Variants in ROBO1 observed in about 807,000 individuals in gnomAD.
The protein encoded by ROBO1 is roundabout guidance receptor 1.
Under a neutral mutation model 195.9 loss-of-function variants are expected in ROBO1, and 149 were observed. That is an observed-to-expected ratio of 0.76 (90% CI 0.67 to 0.87). The LOEUF is 0.87. ROBO1 is among the 40% of genes least tolerant of loss of function. ROBO1 has a pLI of 0.00. For missense variants in ROBO1, 1,933 were observed against 2,068.3 expected, an observed-to-expected ratio of 0.93 and a Z score of 1.27; for synonymous variants, 816 against 733.2, an observed-to-expected ratio of 1.11 and a Z score of -1.82.
chr3:79,271,110 A>C (rs2030513005), intron 2 of ROBO1, among the ~76,000 whole-genome samples: 1 of 152,002 alleles, frequency 6.6e-6, no homozygotes, highest in Non-Finnish European at 1.5e-5. Flanking sequence ...GAGGTAGAAA[A>C]GTAAGCTGTA....
chr3:79,563,169 AT>A (rs1234282848), intron 2 of ROBO1, among the ~76,000 whole-genome samples: 2 of 152,006 alleles, frequency 1.3e-5, no homozygotes, highest in East Asian at 1.9e-4. Context: ...TTGTGGCACT[AT>A]TTGTTTTGTC....
At chr3:78,734,471 T>C (rs1412700877) in intron 5 of ROBO1, among the ~76,000 whole-genome samples, 1 of 151,630 alleles carries the variant, frequency 6.6e-6, no homozygotes, top group East Asian at 1.9e-4. Flanking sequence ...TGAAGTGGGA[T>C]GATCACCTGA....
At chr3:78,941,491 T>G (rs2040140402) in intron 3 of ROBO1, among the ~76,000 whole-genome samples, 1 of 152,176 alleles carries the variant, frequency 6.6e-6, no homozygotes, top group South Asian at 2.1e-4. Context: ...AGATATTTAT[T>G]TAATTAAAGC....
intron 3 of ROBO1, among the ~76,000 whole-genome samples, chr3:78,952,623 C>T (rs2040848085): frequency 6.6e-6 from 1 of 151,914 alleles, no homozygotes; most frequent in South Asian, 2.1e-4. Context: ...TAAATATCCT[C>T]TATTAAGTTA....
At chr3:79,607,230 G>A (rs1455369355) in intron 1 of ROBO1, among the ~76,000 whole-genome samples, 1 of 150,724 alleles carries the variant, frequency 6.6e-6, no homozygotes, top group East Asian at 2.0e-4. Context: ...TATTGTTAAG[G>A]TTAATATATT....
chr3:79,039,137 T>C (rs1430685830), intron 3 of ROBO1, among the ~76,000 whole-genome samples: 1 of 152,232 alleles, frequency 6.6e-6, no homozygotes, highest in Non-Finnish European at 1.5e-5. Context: ...ATGTTCTATA[T>C]CTTTCGGTAA....
intron 2 of ROBO1, among the ~76,000 whole-genome samples, chr3:79,368,423 A>G (rs1454274158): frequency 6.6e-6 from 1 of 152,126 alleles, no homozygotes; most frequent in East Asian, 1.9e-4. Context: ...GCATTAAAAG[A>G]GAGTAGACTG....
intron 2 of ROBO1, among the ~76,000 whole-genome samples, chr3:79,467,453 G>C (rs1938024018): frequency 6.6e-6 from 1 of 151,166 alleles, no homozygotes; most frequent in Non-Finnish European, 1.5e-5. Context: ...CCAAACACCA[G>C]GCTCCACGAG....
chr3:79,684,688 T>C (rs965224132), intron 1 of ROBO1, among the ~76,000 whole-genome samples: 6 of 152,056 alleles, frequency 3.9e-5, no homozygotes, highest in African/African-American at 1.2e-4. Flanking sequence ...ATGGTGATGA[T>C]GATTTGAGAT....
intron 1 of ROBO1, among the ~76,000 whole-genome samples, chr3:79,714,618 G>A (rs1411814253): frequency 6.6e-6 from 1 of 151,692 alleles, no homozygotes; most frequent in African/African-American, 2.4e-5. Context: ...AACAATGATA[G>A]ACTGGATTAA....
intron 21 of ROBO1, among the ~76,000 whole-genome samples, chr3:78,644,254 T>C (rs948617706): frequency 6.6e-6 from 1 of 152,108 alleles, no homozygotes; most frequent in Non-Finnish European, 1.5e-5. Context: ...ACTGCTGATA[T>C]TGTACAGCTG....
intron 1 of ROBO1, among the ~76,000 whole-genome samples, chr3:79,714,856 G>T (rs576034589): frequency 7.9e-6 from 1 of 127,340 alleles, no homozygotes; most frequent in Non-Finnish European, 1.6e-5. Flanking sequence ...TGTGGGGTGG[G>T]GGGAGGGGGG....
intron 2 of ROBO1, among the ~76,000 whole-genome samples, chr3:79,192,794 C>T (rs546760780): frequency 6.6e-6 from 1 of 151,528 alleles, no homozygotes; most frequent in African/African-American, 2.4e-5. Context: ...TAGAGAGCTA[C>T]CTGAGTGTTT....
At position 79,535,072 on chromosome 3, in the gene ROBO1, CTTAT is replaced by C. The variant is rs1253152922; in HGVS notation, c.88+54748_88+54751del. Among the ~76,000 whole-genome samples, 9 of 151,622 alleles carry C rather than the reference CTTAT, an allele frequency of 5.9e-5. No homozygotes were observed. The South Asian group carries it at 6.2e-4, about 10-fold the overall frequency. ...ATTTGTAGGACTAATCCCCAAATGCCTTATTTTTTTTTAGTTCACTATTTTTCAT... is the reference window on the plus strand; with the variant it reads ...ATTTGTAGGACTAATCCCCAAATGCCTTTTTTTTAGTTCACTATTTTTCAT... On this transcript the variant is annotated intron_variant, in intron 2 of 30. Coordinates refer to ENST00000464233, the MANE Select transcript of ROBO1 (RefSeq NM_002941.4).
chr3:79,692,319 A>G, intron 1 of ROBO1, among the ~76,000 whole-genome samples: 1 of 151,914 alleles, frequency 6.6e-6, no homozygotes, highest in East Asian at 1.9e-4. Flanking sequence ...AGGCACCATA[A>G]TAATAAAGAA....
intron 4 of ROBO1, among the ~76,000 whole-genome samples, chr3:78,913,500 A>C (rs2038373398): frequency 6.6e-6 from 1 of 152,184 alleles, no homozygotes; most frequent in Non-Finnish European, 1.5e-5. Context: ...AGAGTAAAAA[A>C]AATATTTAAA....
intron 3 of ROBO1, among the ~76,000 whole-genome samples, chr3:79,051,628 C>A (rs2078700727): frequency 6.6e-6 from 1 of 152,144 alleles, no homozygotes. Flanking sequence ...AGGCCAATAT[C>A]TCTGATGAAA....
intron 1 of ROBO1, among the ~76,000 whole-genome samples, chr3:79,612,561 G>A (rs1351104170): frequency 6.6e-6 from 1 of 150,810 alleles, no homozygotes; most frequent in African/African-American, 2.4e-5. Flanking sequence ...GGGATGGCTG[G>A]GTCAAATGGT....
intron 2 of ROBO1, among the ~76,000 whole-genome samples, chr3:79,132,780 A>G (rs200365422): frequency 4.9e-4 from 17 of 34,818 alleles, no homozygotes; most frequent in South Asian, 2.4e-3. Context: ...TCCTAGTCTC[A>G]ATGGTCTTTA....
Sources: allele counts gnomAD v4.1 joint callset (sites outside exome capture counted in the v4.1 genomes callset), GRCh38; gene constraint gnomAD v4.1.1; transcripts MANE v1.5; gene names NCBI Gene and HGNC (gene_info 2026-07-23, HGNC 2026-07-21).